Variants in GPM6A observed in about 807,000 individuals in gnomAD.
GPM6A encodes the protein glycoprotein M6A, also known as neuronal membrane glycoprotein M6-a.
Under a neutral mutation model 32.1 loss-of-function variants are expected in GPM6A, and 7 were observed. That is an observed-to-expected ratio of 0.22 (90% CI 0.12 to 0.41). The LOEUF is 0.41. Among genes scored for constraint, GPM6A ranks in the 10% least tolerant of loss-of-function variants. The pLI, the probability that GPM6A is intolerant of heterozygous loss-of-function variation, is 1.00. For synonymous variants in GPM6A, 130 were observed against 123.4 expected (o/e 1.05, Z -0.35); for missense variants, 235 against 347.2 (o/e 0.68, Z 2.57).
intron 1 of GPM6A, among the ~76,000 whole-genome samples, chr4:175,916,402 A>C (rs1738494572): frequency 6.6e-6 from 1 of 152,198 alleles, no homozygotes; most frequent in Admixed American, 6.5e-5. Flanking sequence ...GCTAAATCAA[A>C]ATTATCCCAT....
At chr4:175,765,297 C>G (rs1379440594) in intron 1 of GPM6A, among the ~76,000 whole-genome samples, 1 of 152,150 alleles carries the variant, frequency 6.6e-6, no homozygotes, top group Non-Finnish European at 1.5e-5. Flanking sequence ...TGCACTAGAC[C>G]AAACCACCAT....
chr4:175,813,449 C>A (rs552875609), upstream of GPM6A, among the ~76,000 whole-genome samples: 1 of 152,176 alleles, frequency 6.6e-6, no homozygotes, highest in Non-Finnish European at 1.5e-5. Flanking sequence ...GAGCATAAAC[C>A]TTTCCTAGAG....
chr4:175,840,468 A>G (rs1735900956), intron 1 of GPM6A, among the ~76,000 whole-genome samples: 1 of 152,208 alleles, frequency 6.6e-6, no homozygotes, highest in Admixed American at 6.5e-5. Context: ...ACCTGAGGTC[A>G]GGAGTTTGAG....
At chr4:175,859,778 A>G (rs1736519582) in intron 1 of GPM6A, among the ~76,000 whole-genome samples, 1 of 152,064 alleles carries the variant, frequency 6.6e-6, no homozygotes, top group Admixed American at 6.6e-5. Flanking sequence ...TGAAACTTCA[A>G]ACAGCTAGGA....
chr4:175,641,201 T>C (rs570228123), intron 4 of GPM6A: 1 of 193,070 alleles, frequency 5.2e-6, no homozygotes, highest in Non-Finnish European at 1.1e-5. Flanking sequence ...TCTAAATTTG[T>C]TCAGCTGGTG....
chr4:175,636,545 C>G (rs1177432154), intron 6 of GPM6A, among the ~76,000 whole-genome samples: 1 of 150,408 alleles, frequency 6.6e-6, no homozygotes, highest in Non-Finnish European at 1.5e-5. Flanking sequence ...CCTGTAATCC[C>G]AGCACTTTGG....
At chr4:175,947,440 A>C (rs1322225926) in intron 1 of GPM6A, among the ~76,000 whole-genome samples, 1 of 152,022 alleles carries the variant, frequency 6.6e-6, no homozygotes, top group Non-Finnish European at 1.5e-5. Flanking sequence ...TTTAAGTCTA[A>C]CATTCTTAAG....
chr4:175,927,584 A>G (rs934801240), intron 1 of GPM6A, among the ~76,000 whole-genome samples: 1 of 152,198 alleles, frequency 6.6e-6, no homozygotes, highest in African/African-American at 2.4e-5. Flanking sequence ...AGTACTGGTT[A>G]AGAATGAAGG....
chr4:175,816,174 G>A (rs993926436), upstream of GPM6A, among the ~76,000 whole-genome samples: 1 of 152,180 alleles, frequency 6.6e-6, no homozygotes, highest in East Asian at 1.9e-4. Context: ...CTGGGCCACA[G>A]GGTAGGACCC....
chr4:175,884,427 C>T (rs981994204), intron 1 of GPM6A, among the ~76,000 whole-genome samples: 13 of 152,052 alleles, frequency 8.5e-5, no homozygotes, highest in South Asian at 2.1e-4. Flanking sequence ...CTGTTTCATA[C>T]AATAGAACAA....
intron 1 of GPM6A, among the ~76,000 whole-genome samples, chr4:175,890,331 C>T (rs933595892): frequency 7.2e-5 from 11 of 152,016 alleles, no homozygotes; most frequent in South Asian, 4.1e-4. Context: ...TATGTATGTA[C>T]GAAAAATATA....
intron 1 of GPM6A, among the ~76,000 whole-genome samples, chr4:175,958,297 A>T (rs1366727583): frequency 2.0e-5 from 3 of 152,176 alleles, no homozygotes; most frequent in Admixed American, 6.5e-5. Context: ...TTCACCTTCA[A>T]AGTACTTTTT....
chr4:175,933,576 G>T (rs200077346), intron 1 of GPM6A, among the ~76,000 whole-genome samples: 1 of 1,430 alleles, frequency 7.0e-4, no homozygotes, highest in Admixed American at 0.021. Context: ...AGAAGTTTTT[G>T]TTTGTTTGTT....
chr4:175,861,775 T>C (rs1273388870), intron 1 of GPM6A, among the ~76,000 whole-genome samples: 6 of 139,494 alleles, frequency 4.3e-5, no homozygotes, highest in Admixed American at 7.2e-5. Context: ...AAAAAGAACA[T>C]GTATACATAA....
rs1366539536 is a variant in GPM6A at position 176,002,279 on chromosome 4, C to T, written c.-23+30G>A. 2.5e-6 allele frequency: 4 copies of T among 1,597,380 alleles called. No homozygotes were observed. The South Asian group carries it at 3.4e-5, about 14-fold the overall frequency. ...CCATTCCCGAGGCCGAGCCTTTGGG[C>T]GAGGTGTACGCGCCCGCCCGCGCAC... On this transcript the variant is annotated intron_variant, in intron 1 of 7. Coordinates refer to the GPM6A transcript ENST00000280187.
chr4:175,671,009 G>A (rs1400804033), intron 3 of GPM6A, among the ~76,000 whole-genome samples: 1 of 151,694 alleles, frequency 6.6e-6, no homozygotes, highest in East Asian at 1.9e-4. Context: ...AATTACAGGC[G>A]CCTGCCACCA....
intron 1 of GPM6A, among the ~76,000 whole-genome samples, chr4:175,856,162 T>A (rs1025451703): frequency 2.0e-5 from 3 of 152,206 alleles, no homozygotes; most frequent in African/African-American, 7.2e-5. Context: ...GGTAAAAAAC[T>A]AAGAAAAATC....
chr4:175,813,129 T>G, upstream of GPM6A: 11 of 952,586 alleles, frequency 1.2e-5, no homozygotes, highest in Non-Finnish European at 1.4e-5. Flanking sequence ...TCTTTGTTAT[T>G]TATTGTTATG....
chr4:175,991,089 T>TTG (rs1741125480), intron 1 of GPM6A, among the ~76,000 whole-genome samples: 2 of 150,510 alleles, frequency 1.3e-5, no homozygotes, highest in African/African-American at 4.9e-5. Context: ...TTTTTTTTTT[T>TTG]GACGTAATTT....
Sources: allele counts gnomAD v4.1 joint callset (sites outside exome capture counted in the v4.1 genomes callset), GRCh38; gene constraint gnomAD v4.1.1; transcripts MANE v1.5; gene names NCBI Gene and HGNC (gene_info 2026-07-23, HGNC 2026-07-21).